Variants in NCOA4 observed in about 807,000 individuals in gnomAD.
NCOA4 encodes the protein 70 kDa AR-activator.
Under a neutral mutation model 69.5 loss-of-function variants are expected in NCOA4, and 31 were observed. That is an observed-to-expected ratio of 0.45 (90% CI 0.34 to 0.60). The LOEUF (loss-of-function observed/expected upper bound fraction) is 0.60, where lower values mean the gene tolerates loss of function less well. NCOA4 is among the 20% of genes least tolerant of loss of function. The pLI is 0.02. For synonymous variants in NCOA4, 228 were observed against 252.4 expected (o/e 0.90, Z 0.92); for missense variants, 600 against 719.2 (o/e 0.83, Z 1.90).
chr10:46,009,059 A>C, intron 9 of NCOA4: 2 of 1,067,296 alleles, frequency 1.9e-6, no homozygotes, highest in Middle Eastern at 3.0e-4. Context: ...GGGAAACCAA[A>C]GTATTTGTGT....
intron 1 of NCOA4, among the ~76,000 whole-genome samples, chr10:46,026,291 G>C (rs1353607530): frequency 6.6e-6 from 1 of 152,210 alleles, no homozygotes; most frequent in East Asian, 1.9e-4. Flanking sequence ...TAAGTGCTGA[G>C]ATAGTGTCTT....
At chr10:46,011,259 G>A (rs1188560549) in intron 7 of NCOA4, 53 bp from the exon 8 acceptor site, 12 of 1,510,528 alleles carry the variant, frequency 7.9e-6, no homozygotes, top group Non-Finnish European at 1.1e-5. Context: ...GACTGCTTTG[G>A]AGATTCTGTC....
chr10:46,022,866 A>C (rs1839967497), intron 1 of NCOA4, among the ~76,000 whole-genome samples: 1 of 152,202 alleles, frequency 6.6e-6, no homozygotes, highest in Non-Finnish European at 1.5e-5. Context: ...CAGTTTCTGA[A>C]ATCCAGAATC....
rs1327402487 is a variant in NCOA4, at chr10:46,010,895, G to C, written c.1026C>G (p.Val342=). 6.2e-7 allele frequency: 1 copy of C among 1,613,820 alleles called. No homozygotes were observed. Among genetic ancestry groups the C allele is most frequent in the Non-Finnish European group, 8.5e-7 (1 of 1,179,868 alleles). The change falls in exon 8 of 10, where the codon GTC becomes GTG. Residue 342 remains valine (V), a synonymous_variant. Transcript: ENST00000581486. ...FQSYNVNDWL[V]KTDSCTNCQG... ...GACAGTTGGTACAGGAGTCAGTCTT[G>C]ACAAGCCAATCATTCACATTATAGG...
At position 46,012,752 on chromosome 10, in the gene NCOA4, G is replaced by A. The variant is rs1839309242; in HGVS notation, c.714+131C>T. ...CCTTATTTTCTAAACTTTCTATGAT[G>A]AAGAGACTATTAATAAATATGTTTC... On this transcript the variant is annotated intron_variant, in intron 7 of 9. Transcript: ENST00000581486. 4.8e-6 allele frequency: 4 copies of A among 832,090 alleles called. No homozygotes were observed. In the South Asian group the frequency reaches 1.3e-4, roughly 26 times the overall value. 51.5% of individuals were successfully genotyped at this position (832,090 alleles called of 1,614,324 possible). A position where few individuals can be genotyped will look rare whatever the true frequency, so the allele number is the denominator to read the frequency against.
intron 8 of NCOA4, among the ~76,000 whole-genome samples, chr10:46,009,799 C>T (rs1200251200): frequency 2.0e-5 from 3 of 152,174 alleles, no homozygotes; most frequent in Non-Finnish European, 2.9e-5. Flanking sequence ...AATCATAAAT[C>T]CTCCATTCCA....
chr10:46,021,672 A>AAACT (rs563981390), intron 1 of NCOA4, among the ~76,000 whole-genome samples: 72 of 151,006 alleles, frequency 4.8e-4, no homozygotes, highest in African/African-American at 1.7e-3. Flanking sequence ...TAACAAAAAT[A>AAACT]GTACTGGCCG....
intron 7 of NCOA4, among the ~76,000 whole-genome samples, chr10:46,012,102 A>C (rs1839265608): frequency 7.1e-6 from 1 of 140,796 alleles, no homozygotes; most frequent in Non-Finnish European, 1.6e-5. Context: ...AAAAAAAAAA[A>C]ACGAAAAAAG....
chr10:46,026,992 G>A lies in NCOA4; in HGVS notation c.-15+3534C>T, dbSNP rs1306718174. Among the ~76,000 whole-genome samples, 6 of 152,158 alleles carry A rather than the reference G, an allele frequency of 3.9e-5. No individual in the cohort carries two copies. In the South Asian group the frequency reaches 8.3e-4, roughly 21 times the overall value. On this transcript the variant is annotated intron_variant, in intron 1 of 9. Transcript: ENST00000581486. ...AAGAATGACTAAGAGTGGTCCGGGC[G>A]CGGTGGCTCACGCCTGTAATCCCAA... is the stretch of plus-strand genomic sequence containing the variant.
At position 46,005,752 on chromosome 10, in the gene NCOA4, T is replaced by G. The variant is rs1838772850; in HGVS notation, c.*840A>C. On this transcript the variant is annotated 3_prime_UTR_variant, in exon 10 of 10. Transcript: ENST00000581486. ...CCATTTACACAGGATGCACCAATTATCCCTATGATAGTGACTGTTTCAAGT... is the reference window on the plus strand; with the variant it reads ...CCATTTACACAGGATGCACCAATTAGCCCTATGATAGTGACTGTTTCAAGT... The G allele has an allele frequency of 4.7e-6, 1 of 214,806 alleles. No individual in the cohort carries two copies. Among genetic ancestry groups the G allele is most frequent in the African/African-American group, 2.3e-5 (1 of 44,298 alleles). The allele number at this position is 214,806 out of a possible 1,614,324, so 13.3% of individuals were successfully genotyped here. A position where few individuals can be genotyped will look rare whatever the true frequency, so the allele number is the denominator to read the frequency against.
At chr10:46,016,418 T>G (rs1554923213) in intron 2 of NCOA4, 122 bp downstream of exon 2, 1 of 828,188 alleles carries the variant, frequency 1.2e-6, no homozygotes, top group Non-Finnish European at 1.7e-6. Flanking sequence ...GGGGACCAAG[T>G]AGACCACGCA....
chr10:46,014,605 A>C, intron 4 of NCOA4, 53 bp from the exon 5 acceptor site: 1 of 1,339,400 alleles, frequency 7.5e-7, no homozygotes, highest in Non-Finnish European at 1.0e-6. Context: ...TGTTTCATCA[A>C]CTTCATCTAA....
rs561536298 is a variant in NCOA4, at chr10:46,011,401, G to GGGAC, written c.715-199_715-196dup. 4.0e-5 allele frequency among the ~76,000 whole-genome samples: 6 copies of GGGAC among 151,448 alleles called. No individual in the cohort carries two copies. The South Asian group carries it at 1.3e-3, about 32-fold the overall frequency. ...TCCTGCCTCAGCCTTCCGAGTAGCT[G>GGGAC]GGACTATAGGCGCCCACCACCACGC... On this transcript the variant is annotated intron_variant, in intron 7 of 9. Coordinates refer to ENST00000581486, the MANE Select transcript of NCOA4 (RefSeq NM_001145263.2).
chr10:46,005,283 CT>C lies in NCOA4; in HGVS notation c.*1308del. On this transcript the variant is annotated 3_prime_UTR_variant, in exon 10 of 10. Transcript: ENST00000581486. ...TCCTTACATTGTTTTTGCCCACCAC[CT>C]TTATATAATACTCCTAAATGATATC... 1 of 214,340 alleles carries C rather than the reference CT, an allele frequency of 4.7e-6. No individual in the cohort carries two copies. Among genetic ancestry groups the C allele is most frequent in the Non-Finnish European group, 9.4e-6 (1 of 105,840 alleles). The allele number at this position is 214,340 out of a possible 1,614,324, so 13.3% of individuals were successfully genotyped here.
rs374163938 is a variant in NCOA4 at position 46,005,387 on chromosome 10, G to A, written c.*1205C>T. On this transcript the variant is annotated 3_prime_UTR_variant, in exon 10 of 10. Coordinates refer to ENST00000581486, the MANE Select transcript of NCOA4 (RefSeq NM_001145263.2). ...AACTCTAGTGAAGCTGTATGGCAAT[G>A]ACATTTTGGGACCATGAAGTTTCCC... 189 of 214,692 alleles carry A rather than the reference G, an allele frequency of 8.8e-4. No homozygotes were observed. The highest frequency in any genetic ancestry group is 3.9e-3 in the African/African-American group (175 of 44,388). 13.3% of individuals were successfully genotyped at this position (214,692 alleles called of 1,614,324 possible). A position where few individuals can be genotyped will look rare whatever the true frequency, so the allele number is the denominator to read the frequency against.
chr10:46,006,990 T>C (rs561058734), intron 9 of NCOA4, among the ~76,000 whole-genome samples: 27 of 152,322 alleles, frequency 1.8e-4, no homozygotes, highest in African/African-American at 6.0e-4. Context: ...GAAAGTCATG[T>C]TGAAGGCCAC....
At chr10:46,019,741 C>T (rs976825307) in intron 1 of NCOA4, among the ~76,000 whole-genome samples, 1 of 152,162 alleles carries the variant, frequency 6.6e-6, no homozygotes, top group Non-Finnish European at 1.5e-5. Flanking sequence ...CAGCTATAGA[C>T]AGAATGTAGG....
intron 1 of NCOA4, among the ~76,000 whole-genome samples, chr10:46,018,555 G>A (rs917785861): frequency 6.6e-6 from 1 of 152,166 alleles, no homozygotes; most frequent in Admixed American, 6.5e-5. Flanking sequence ...AGAAAAGGGA[G>A]AGAGGCCTCA....
intron 7 of NCOA4, among the ~76,000 whole-genome samples, chr10:46,011,945 C>T (rs1433264338): frequency 6.6e-6 from 1 of 151,302 alleles, no homozygotes; most frequent in Non-Finnish European, 1.5e-5. Context: ...CCTGTAATCC[C>T]AGCTACTCAG....
Sources: allele counts gnomAD v4.1 joint callset (sites outside exome capture counted in the v4.1 genomes callset), GRCh38; gene constraint gnomAD v4.1.1; transcripts MANE v1.5; gene names NCBI Gene and HGNC (gene_info 2026-07-23, HGNC 2026-07-21).